The following SND1 variants were observed in gnomAD, a reference collection of about 807,000 sequenced individuals.
The protein encoded by SND1 is staphylococcal nuclease domain-containing protein 1.
A neutral mutation model predicts 121.7 loss-of-function variants in SND1; 38 were observed. The ratio of observed to expected loss-of-function variants is 0.31; its 90% CI spans 0.24 to 0.41. The LOEUF is 0.41. Ranked by LOEUF, SND1 falls within the 10% of genes least tolerant of loss-of-function variation. The pLI is 1.00. For synonymous variants in SND1, 401 were observed against 447.4 expected (o/e 0.90, Z 1.31); for missense variants, 868 against 1,184.6 (o/e 0.73, Z 3.92).
rs146434397 is a variant in SND1, at chr7:128,069,438, T to C, written c.1780-5064T>C. Among the ~76,000 whole-genome samples, 3 of 152,240 alleles carry C rather than the reference T, an allele frequency of 2.0e-5. No homozygotes were observed. The East Asian group carries it at 5.8e-4, about 30-fold the overall frequency. ...AACAGTCTAAGAGAGGTCAAGTGAA[T>C]TACCCAAAAATTCACAGCTAGGACT... On this transcript the variant is annotated intron_variant, in intron 16 of 23. Coordinates refer to ENST00000354725, the MANE Select transcript of SND1 (RefSeq NM_014390.4).
At chr7:127,885,568 A>G (rs1301394884) in intron 12 of SND1, among the ~76,000 whole-genome samples, 1 of 152,128 alleles carries the variant, frequency 6.6e-6, no homozygotes, top group Non-Finnish European at 1.5e-5. Flanking sequence ...ACATTTGCTG[A>G]TAGGATAAAG....
chr7:128,074,730 G>C, intron 17 of SND1, 40 bp downstream of exon 17: 1 of 1,548,960 alleles, frequency 6.5e-7, no homozygotes, highest in Non-Finnish European at 8.8e-7. Flanking sequence ...CTGCCCTCCC[G>C]TCCTCCTCAC....
intron 1 of SND1, chr7:127,679,376 C>G (rs1795669632): frequency 6.6e-6 from 1 of 152,096 alleles, no homozygotes; most frequent in Admixed American, 6.5e-5. Context: ...ATGGAAGGCT[C>G]TATAGTAAAA....
intron 15 of SND1, among the ~76,000 whole-genome samples, chr7:127,958,089 G>A (rs1402992313): frequency 6.6e-6 from 1 of 152,222 alleles, no homozygotes; most frequent in Non-Finnish European, 1.5e-5. Flanking sequence ...TAGGGGGCAT[G>A]AGGATACAAA....
intron 11 of SND1, among the ~76,000 whole-genome samples, chr7:127,824,285 T>G (rs1429753139): frequency 1.3e-5 from 2 of 152,236 alleles, no homozygotes; most frequent in African/African-American, 4.8e-5. Flanking sequence ...CTCAGAAAAC[T>G]TATCTACCAG....
intron 16 of SND1, among the ~76,000 whole-genome samples, chr7:128,033,426 G>T (rs1291115098): frequency 2.0e-5 from 3 of 152,182 alleles, no homozygotes; most frequent in African/African-American, 7.2e-5. Context: ...CTCTCCCCGT[G>T]TGATTTCTGG....
chr7:127,847,686 C>A (rs1415599344), intron 12 of SND1, among the ~76,000 whole-genome samples: 1 of 152,192 alleles, frequency 6.6e-6, no homozygotes, highest in East Asian at 1.9e-4. Context: ...TACTTTAAAG[C>A]CTTTCCTCTT....
chr7:127,840,417 C>G (rs772628337), intron 11 of SND1, among the ~76,000 whole-genome samples: 1 of 152,124 alleles, frequency 6.6e-6, no homozygotes, highest in Non-Finnish European at 1.5e-5. Context: ...AAACAGGGAT[C>G]AGGGTCTGAG....
rs753089385 is a variant in SND1 at position 128,085,682 on chromosome 7, C to G, written c.2235-29C>G. The G allele has an allele frequency of 6.8e-6, 11 of 1,611,548 alleles. No individual in the cohort carries two copies. In the South Asian group the frequency reaches 1.2e-4, roughly 18 times the overall value. On this transcript the variant is annotated intron_variant, in intron 19 of 23. Coordinates refer to ENST00000354725, the MANE Select transcript of SND1 (RefSeq NM_014390.4). This position sits in a 1 kb window ranked among gnomAD's most constrained non-coding sequence, Gnocchi z 4.4. ...GAGCCCAGAGTCCTCAGGGCTGTCT[C>G]TTGAGCTCTGCCCATGATGCCATTG...
At chr7:127,806,994 A>G (rs949457367) in intron 10 of SND1, among the ~76,000 whole-genome samples, 1 of 152,128 alleles carries the variant, frequency 6.6e-6, no homozygotes, top group Non-Finnish European at 1.5e-5. Flanking sequence ...TTGTGTTGCT[A>G]TTTCATATCT....
At position 128,029,722 on chromosome 7, in the gene SND1, C is replaced by G; in HGVS notation, c.1779+38666C>G. ...AGCCACCAGGCTAGCCACAGAATGTCACAATCACAGTTCCAAGGGTTGTGG... is the reference window on the plus strand; with the variant it reads ...AGCCACCAGGCTAGCCACAGAATGTGACAATCACAGTTCCAAGGGTTGTGG... On this transcript the variant is annotated intron_variant, in intron 16 of 23. Transcript: ENST00000354725. This position sits in a 1 kb window ranked among gnomAD's most constrained non-coding sequence, Gnocchi z 4.2. 6.2e-7 allele frequency: 1 copy of G among 1,614,128 alleles called. No homozygotes were observed. The highest frequency in any genetic ancestry group is 8.5e-7 in the Non-Finnish European group (1 of 1,180,034).
At chr7:127,715,766 C>T (rs1796377457) in intron 9 of SND1, among the ~76,000 whole-genome samples, 1 of 152,126 alleles carries the variant, frequency 6.6e-6, no homozygotes, top group Non-Finnish European at 1.5e-5. Flanking sequence ...CCTTTGGTGT[C>T]ATATTTGAGA....
intron 13 of SND1, among the ~76,000 whole-genome samples, chr7:127,903,884 G>T (rs1290257011): frequency 6.6e-6 from 1 of 152,192 alleles, no homozygotes; most frequent in Non-Finnish European, 1.5e-5. Flanking sequence ...CCATAGACAA[G>T]ATTTGTGGGA....
intron 10 of SND1, among the ~76,000 whole-genome samples, chr7:127,735,747 C>T (rs1796765940): frequency 6.6e-6 from 1 of 152,140 alleles, no homozygotes; most frequent in African/African-American, 2.4e-5. Flanking sequence ...GTGCCTCAGC[C>T]TCCCAACTAG....
chr7:127,963,023 T>C (rs1463834362), intron 15 of SND1, among the ~76,000 whole-genome samples: 1 of 152,212 alleles, frequency 6.6e-6, no homozygotes, highest in Non-Finnish European at 1.5e-5. Context: ...AATTACTTTA[T>C]ATTTATTGTG....
chr7:127,862,776 G>A (rs116757739), intron 12 of SND1, among the ~76,000 whole-genome samples: 10 of 152,288 alleles, frequency 6.6e-5, no homozygotes, highest in East Asian at 5.8e-4. Flanking sequence ...CTCCCAGGCC[G>A]TGCACTGCTG....
chr7:127,925,506 A>T lies in SND1; in HGVS notation c.1528-3682A>T, dbSNP rs118011948. Among the ~76,000 whole-genome samples the T allele has an allele frequency of 6.6e-4, 100 of 152,222 alleles. 1 individual carries two copies. The highest frequency in any genetic ancestry group is 1.6e-3 in the Admixed American group (24 of 15,292). ...AGATACATAAGCAGAAATATTTGAT[A>T]TTACCTTGAAATGAGCATTCTGTGT... On this transcript the variant is annotated intron_variant, in intron 14 of 23. Coordinates refer to ENST00000354725, the MANE Select transcript of SND1 (RefSeq NM_014390.4).
intron 15 of SND1, among the ~76,000 whole-genome samples, chr7:127,954,363 ATT>A (rs1801545135): frequency 6.6e-6 from 1 of 152,118 alleles, no homozygotes; most frequent in South Asian, 2.1e-4. Context: ...AGGAGCCCTT[ATT>A]ATTACCTGCT....
chr7:128,047,418 C>T (rs1233044795), intron 16 of SND1, among the ~76,000 whole-genome samples: 1 of 152,212 alleles, frequency 6.6e-6, no homozygotes, highest in African/African-American at 2.4e-5. Flanking sequence ...AATCCAGGTA[C>T]CACTGATTAT....
Sources: allele counts gnomAD v4.1 joint callset (sites outside exome capture counted in the v4.1 genomes callset), GRCh38; gene constraint gnomAD v4.1.1; non-coding constraint Gnocchi (gnomAD v3.1); transcripts MANE v1.5; gene names NCBI Gene and HGNC (gene_info 2026-07-23, HGNC 2026-07-21).